Variants in MACROD2 observed in about 807,000 individuals in gnomAD.
The protein encoded by MACROD2 is mono-ADP ribosylhydrolase 2.
A neutral mutation model predicts 70.4 loss-of-function variants in MACROD2; 36 were observed. The observed-to-expected ratio is 0.51, with a 90% CI of 0.39 to 0.68. The LOEUF (loss-of-function observed/expected upper bound fraction) is 0.68. MACROD2 is among the 30% of genes least tolerant of loss of function. The pLI, the probability that MACROD2 is intolerant of heterozygous loss-of-function variation, is 0.00. For synonymous variants in MACROD2, 172 were observed against 178.8 expected, an observed-to-expected ratio of 0.96 and a Z score of 0.30; for missense variants, 496 against 538.4, an observed-to-expected ratio of 0.92 and a Z score of 0.78.
intron 9 of MACROD2, among the ~76,000 whole-genome samples, chr20:15,871,631 G>A (rs2064585526): frequency 6.6e-6 from 1 of 152,154 alleles, no homozygotes; most frequent in Non-Finnish European, 1.5e-5. Context: ...GATTGATTGG[G>A]ACAGTTTTCA....
chr20:15,648,664 A>G (rs1033344891), intron 8 of MACROD2, among the ~76,000 whole-genome samples: 2 of 152,240 alleles, frequency 1.3e-5, no homozygotes. Context: ...TGCTCATTAA[A>G]TAAAGGAGCA....
intron 3 of MACROD2, among the ~76,000 whole-genome samples, chr20:14,150,679 G>T (rs6042553): frequency 0.055 from 8,313 of 150,030 alleles, 260 homozygotes; most frequent in African/African-American, 0.092. Flanking sequence ...ATCTTCTTTC[G>T]GCTTTCTTTT....
At chr20:14,134,511 A>T (rs1293355417) in intron 3 of MACROD2, among the ~76,000 whole-genome samples, 1 of 152,118 alleles carries the variant, frequency 6.6e-6, no homozygotes, top group Admixed American at 6.5e-5. Context: ...TTTCGTTTAT[A>T]AAGAGAATGA....
intron 4 of MACROD2, among the ~76,000 whole-genome samples, chr20:14,524,600 C>G (rs908311222): frequency 1.3e-5 from 2 of 152,122 alleles, no homozygotes; most frequent in East Asian, 1.9e-4. Flanking sequence ...AGGAAGGAAG[C>G]CTACCACTTA....
chr20:14,758,387 C>T (rs928700479), intron 5 of MACROD2, among the ~76,000 whole-genome samples: 4 of 152,094 alleles, frequency 2.6e-5, no homozygotes, highest in Non-Finnish European at 5.9e-5. Flanking sequence ...AGAATGCTTC[C>T]CTGAGCTTCA....
At chr20:14,810,932 TAAG>T (rs1404241788) in intron 5 of MACROD2, among the ~76,000 whole-genome samples, 1 of 151,934 alleles carries the variant, frequency 6.6e-6, no homozygotes, top group African/African-American at 2.4e-5. Context: ...CTCAAGGAAA[TAAG>T]AGAGGACACA....
At chr20:15,586,808 G>A (rs959072600) in intron 8 of MACROD2, among the ~76,000 whole-genome samples, 1 of 151,924 alleles carries the variant, frequency 6.6e-6, no homozygotes, top group Non-Finnish European at 1.5e-5. Context: ...TAAACAAAGA[G>A]AATATATAGT....
chr20:15,870,846 G>A (rs1185584796), intron 9 of MACROD2, among the ~76,000 whole-genome samples: 1 of 152,126 alleles, frequency 6.6e-6, no homozygotes, highest in Non-Finnish European at 1.5e-5. Flanking sequence ...AACACAGCTA[G>A]ACAAGGGTAT....
At chr20:15,347,877 A>G (rs918723831) in intron 6 of MACROD2, among the ~76,000 whole-genome samples, 1 of 152,164 alleles carries the variant, frequency 6.6e-6, no homozygotes, top group African/African-American at 2.4e-5. Context: ...GAGTGAATGA[A>G]TTTTTTGGCT....
chr20:15,153,637 A>G (rs2076287007), intron 5 of MACROD2, among the ~76,000 whole-genome samples: 1 of 152,220 alleles, frequency 6.6e-6, no homozygotes, highest in Non-Finnish European at 1.5e-5. Flanking sequence ...ATAATGTTGA[A>G]TGAATGAAGC....
chr20:15,587,429 C>T (rs964877117), intron 8 of MACROD2, among the ~76,000 whole-genome samples: 20 of 152,242 alleles, frequency 1.3e-4, no homozygotes, highest in Admixed American at 6.5e-4. Flanking sequence ...CATGTCCTCA[C>T]GTTTCAAAAC....
chr20:15,166,011 C>A (rs1447723941), intron 5 of MACROD2, among the ~76,000 whole-genome samples: 3 of 152,098 alleles, frequency 2.0e-5, no homozygotes, highest in South Asian at 2.1e-4. Flanking sequence ...CTACATATTG[C>A]ATGATTCTAT....
At chr20:14,476,163 A>G (rs1600280087) in intron 3 of MACROD2, among the ~76,000 whole-genome samples, 1 of 152,174 alleles carries the variant, frequency 6.6e-6, no homozygotes, top group African/African-American at 2.4e-5. Context: ...CTTTATAAAA[A>G]CTAGTAGCAA....
At chr20:15,686,746 G>A (rs1460080202) in intron 8 of MACROD2, among the ~76,000 whole-genome samples, 1 of 151,770 alleles carries the variant, frequency 6.6e-6, no homozygotes, top group East Asian at 1.9e-4. Flanking sequence ...GGTGGCGCAC[G>A]CCTATAGTCC....
At chr20:15,325,075 GGTA>G (rs2077913626) in intron 6 of MACROD2, among the ~76,000 whole-genome samples, 1 of 150,506 alleles carries the variant, frequency 6.6e-6, no homozygotes, top group Non-Finnish European at 1.5e-5. Context: ...GGGTAGTCAG[GGTA>G]GACAGGGTAG....
intron 5 of MACROD2, among the ~76,000 whole-genome samples, chr20:15,188,358 T>C (rs1299052705): frequency 1.3e-5 from 2 of 152,142 alleles, no homozygotes; most frequent in Non-Finnish European, 2.9e-5. Context: ...AAAATATCCA[T>C]AATGGCGTGT....
intron 6 of MACROD2, among the ~76,000 whole-genome samples, chr20:15,315,760 G>A (rs559778226): frequency 7.2e-5 from 11 of 152,154 alleles, no homozygotes; most frequent in African/African-American, 2.6e-4. Flanking sequence ...CTCTGGTGAA[G>A]GTAAATGCAT....
chr20:14,178,663 C>G (rs2081283209), intron 3 of MACROD2, among the ~76,000 whole-genome samples: 1 of 148,206 alleles, frequency 6.7e-6, no homozygotes, highest in African/African-American at 2.5e-5. Flanking sequence ...GGCTTTGACT[C>G]TTAGAATCAT....
intron 5 of MACROD2, among the ~76,000 whole-genome samples, chr20:15,032,647 T>C (rs1422423070): frequency 1.3e-5 from 2 of 152,362 alleles, no homozygotes; most frequent in African/African-American, 4.8e-5. Context: ...CTTCAGCAGC[T>C]GCTGTGGAAA....
Sources: allele counts gnomAD v4.1 joint callset (sites outside exome capture counted in the v4.1 genomes callset), GRCh38; gene constraint gnomAD v4.1.1; transcripts MANE v1.5; gene names NCBI Gene and HGNC (gene_info 2026-07-23, HGNC 2026-07-21).